Variants in PCED1B observed in about 807,000 individuals in gnomAD.
PCED1B encodes PC-esterase domain containing 1B.
For missense variants in PCED1B, 573 were observed against 573.9 expected (o/e 1.00, Z 0.02); for synonymous variants, 251 against 246.1 (o/e 1.02, Z -0.19).
chr12:47,143,929 C>G (rs571255369), intron 2 of PCED1B, among the ~76,000 whole-genome samples: 1 of 152,252 alleles, frequency 6.6e-6, no homozygotes, highest in South Asian at 2.1e-4. Context: ...CTAGTGGAAA[C>G]TCTCTGTGGC....
intron 3 of PCED1B, 81 bp from the exon 4 acceptor site, chr12:47,234,926 A>C: frequency 2.9e-6 from 2 of 687,370 alleles, no homozygotes. Flanking sequence ...CCCCTTCCCC[A>C]TGGTCTCCCT....
chr12:47,116,142 C>T (rs1299467076), intron 2 of PCED1B, among the ~76,000 whole-genome samples: 1 of 152,070 alleles, frequency 6.6e-6, no homozygotes, highest in East Asian at 1.9e-4. Flanking sequence ...TTAAAATGAC[C>T]TTTACTATCA....
rs1943326049 is a variant in PCED1B at position 47,217,508 on chromosome 12, G to GAAAGAAAGAA, written c.-58+820_-58+829dup. Among the ~76,000 whole-genome samples, 3 of 136,362 alleles carry GAAAGAAAGAA rather than the reference G, an allele frequency of 2.2e-5. 1 individual carries two copies. Among genetic ancestry groups the GAAAGAAAGAA allele is most frequent in the East Asian group, 2.1e-4 (1 of 4,720 alleles). The allele number at this position is 136,362 out of a possible 152,430, so 89.5% of individuals were successfully genotyped here. On this transcript the variant is annotated intron_variant, in intron 3 of 3. Coordinates refer to ENST00000546455, the MANE Select transcript of PCED1B (RefSeq NM_138371.3). ...AGAAAGAAAGAAAGAAAGAAAGAAA[G>GAAAGAAAGAA]AAAGAAAGAAGAAAGAGAAAGAGAG...
At chr12:47,190,350 C>T (rs780477738) in intron 2 of PCED1B, among the ~76,000 whole-genome samples, 1 of 152,190 alleles carries the variant, frequency 6.6e-6, no homozygotes, top group Non-Finnish European at 1.5e-5. Flanking sequence ...ACCCAAGTTC[C>T]ATCTGTTCTA....
chr12:47,226,459 C>T (rs959336176), intron 3 of PCED1B, among the ~76,000 whole-genome samples: 5 of 151,944 alleles, frequency 3.3e-5, no homozygotes, highest in Non-Finnish European at 5.9e-5. Context: ...CTGCAACCTC[C>T]GCCTCCTGGG....
At chr12:47,107,792 C>T (rs1939022263) in intron 2 of PCED1B, among the ~76,000 whole-genome samples, 1 of 152,140 alleles carries the variant, frequency 6.6e-6, no homozygotes. Context: ...ATACAATGTC[C>T]CCCTAAGGAG....
chr12:47,225,947 T>C (rs1203045476), intron 3 of PCED1B, among the ~76,000 whole-genome samples: 1 of 152,232 alleles, frequency 6.6e-6, no homozygotes, highest in Non-Finnish European at 1.5e-5. Flanking sequence ...ATAAATGTTA[T>C]GTGTTTGGGT....
At chr12:47,100,422 C>T (rs1938652366) in intron 1 of PCED1B, among the ~76,000 whole-genome samples, 1 of 152,198 alleles carries the variant, frequency 6.6e-6, no homozygotes, top group East Asian at 1.9e-4. Flanking sequence ...CTTCTTTTTC[C>T]TTATATGTGC....
At chr12:47,162,273 T>G (rs923214383) in intron 2 of PCED1B, among the ~76,000 whole-genome samples, 3 of 151,414 alleles carry the variant, frequency 2.0e-5, no homozygotes, top group Admixed American at 2.0e-4. Flanking sequence ...AAAAAAAAAA[T>G]AAAAGAAATA....
At chr12:47,090,682 T>C (rs538044154) in intron 1 of PCED1B, among the ~76,000 whole-genome samples, 2 of 152,316 alleles carry the variant, frequency 1.3e-5, no homozygotes, top group East Asian at 3.9e-4. Context: ...TTTTTATACT[T>C]TGTATAAATG....
At chr12:47,191,797 T>G (rs1942447339) in intron 2 of PCED1B, among the ~76,000 whole-genome samples, 1 of 148,670 alleles carries the variant, frequency 6.7e-6, no homozygotes, top group African/African-American at 2.4e-5. Context: ...TTTTTTTGTT[T>G]TGTTGTGTTG....
At chr12:47,084,629 A>G (rs960496763) in intron 1 of PCED1B, among the ~76,000 whole-genome samples, 2 of 152,148 alleles carry the variant, frequency 1.3e-5, no homozygotes, top group African/African-American at 4.8e-5. Context: ...TGGGATTTTT[A>G]GCTAAGGGTT....
At chr12:47,089,954 G>T (rs1471415324) in intron 1 of PCED1B, among the ~76,000 whole-genome samples, 1 of 152,040 alleles carries the variant, frequency 6.6e-6, no homozygotes, top group African/African-American at 2.4e-5. Context: ...TGTATTTTCA[G>T]CAGAGACAGG....
chr12:47,178,106 C>A (rs898329293), intron 2 of PCED1B, among the ~76,000 whole-genome samples: 1 of 152,206 alleles, frequency 6.6e-6, no homozygotes, highest in African/African-American at 2.4e-5. Context: ...GCCCACATGA[C>A]CAAGAGTAGC....
chr12:47,156,992 C>T (rs1941214122), intron 2 of PCED1B, among the ~76,000 whole-genome samples: 1 of 152,186 alleles, frequency 6.6e-6, no homozygotes, highest in Non-Finnish European at 1.5e-5. Flanking sequence ...CTAATGAGTT[C>T]TCAATAAATA....
At chr12:47,104,763 C>G (rs1328563493) in intron 2 of PCED1B, among the ~76,000 whole-genome samples, 2 of 152,216 alleles carry the variant, frequency 1.3e-5, no homozygotes, top group Non-Finnish European at 2.9e-5. Flanking sequence ...CCACAATAGT[C>G]GGGACCCAGA....
intron 2 of PCED1B, among the ~76,000 whole-genome samples, chr12:47,213,240 GAGA>G (rs1352045474): frequency 1.3e-5 from 2 of 152,186 alleles, no homozygotes; most frequent in Admixed American, 6.5e-5. Context: ...TATGTTATCA[GAGA>G]AGATTTCGTA....
chr12:47,088,250 G>A (rs1376762308), intron 1 of PCED1B, among the ~76,000 whole-genome samples: 2 of 152,154 alleles, frequency 1.3e-5, no homozygotes, highest in African/African-American at 2.4e-5. Flanking sequence ...TAATGGCTAG[G>A]TTTATGTGCA....
intron 2 of PCED1B, among the ~76,000 whole-genome samples, chr12:47,185,490 A>T (rs896878724): frequency 5.3e-5 from 8 of 152,192 alleles, no homozygotes; most frequent in African/African-American, 1.9e-4. Context: ...AGGGAAAATT[A>T]GACTGCATAT....
Sources: gnomAD v4.1 joint callset for allele counts (sites outside exome capture counted in the v4.1 genomes callset) on GRCh38, gnomAD v4.1.1 for gene constraint, MANE v1.5 for transcripts, NCBI Gene and HGNC (gene_info 2026-07-23, HGNC 2026-07-21) for gene names.